The following SYNE1 variants were observed in gnomAD, a reference collection of about 807,000 sequenced individuals.
The protein encoded by SYNE1 is nesprin-1.
SYNE1 carries 616 observed loss-of-function variants against 1,111.0 expected under a neutral mutation model. The observed-to-expected ratio is 0.55, with a 90% CI of 0.52 to 0.59. The LOEUF (loss-of-function observed/expected upper bound fraction) is 0.59, where lower values mean the gene tolerates loss of function less well. SYNE1 is among the 20% of genes least tolerant of loss of function. The probability of loss-of-function intolerance (pLI) is 0.00; values close to 1 mark genes in which losing one functional copy is unlikely to be tolerated. For synonymous variants in SYNE1, 3,855 were observed against 3,825.8 expected, an observed-to-expected ratio of 1.01 and a Z score of -0.28; for missense variants, 10,006 against 10,417.0, an observed-to-expected ratio of 0.96 and a Z score of 1.72.
At chr6:152,187,442 A>G (rs1305269909) in intron 128 of SYNE1, among the ~76,000 whole-genome samples, 1 of 152,122 alleles carries the variant, frequency 6.6e-6, no homozygotes, top group Admixed American at 6.6e-5. Flanking sequence ...GAGACAAAAG[A>G]GATCCCAGGG....
intron 87 of SYNE1, 101 bp from the exon 88 acceptor site, chr6:152,310,974 TC>T: frequency 8.1e-7 from 1 of 1,234,220 alleles, no homozygotes; most frequent in Admixed American, 2.0e-5. Context: ...GTTCTGTGTG[TC>T]CGTTATTGTG....
At chr6:152,573,420 G>C (rs1195029486) in intron 3 of SYNE1, among the ~76,000 whole-genome samples, 2 of 145,926 alleles carry the variant, frequency 1.4e-5, no homozygotes, top group Non-Finnish European at 3.0e-5. Flanking sequence ...CTATGAGTGA[G>C]AACATGCGGT....
At chr6:152,569,778 G>C (rs753231150) in intron 3 of SYNE1, among the ~76,000 whole-genome samples, 107 of 152,128 alleles carry the variant, frequency 7.0e-4, no homozygotes, top group Non-Finnish European at 1.1e-3. Flanking sequence ...GTGAATTCTT[G>C]CACTCTGCCT....
intron 5 of SYNE1, 45 bp from the exon 6 acceptor site, chr6:152,520,587 A>G (rs753919749): frequency 9.6e-5 from 152 of 1,589,362 alleles, no homozygotes; most frequent in Middle Eastern, 6.7e-4. Flanking sequence ...AAATCTGCAT[A>G]TTAAAATGTT....
At chr6:152,507,835 T>C (rs1014704216) in intron 8 of SYNE1, among the ~76,000 whole-genome samples, 1 of 152,200 alleles carries the variant, frequency 6.6e-6, no homozygotes, top group Non-Finnish European at 1.5e-5. Flanking sequence ...GTATTGATAG[T>C]GGATGAAATT....
intron 6 of SYNE1, among the ~76,000 whole-genome samples, chr6:152,515,340 T>G (rs2099106303): frequency 6.6e-6 from 1 of 152,212 alleles, no homozygotes; most frequent in South Asian, 2.1e-4. Flanking sequence ...ATTTGAAAAC[T>G]TAATGAATAA....
intron 63 of SYNE1, 74 bp from the exon 64 acceptor site, chr6:152,362,397 C>T: frequency 1.3e-5 from 21 of 1,593,168 alleles, no homozygotes; most frequent in Non-Finnish European, 1.7e-5. Flanking sequence ...TGTGTCTGCT[C>T]CATCCACTCC....
chr6:152,316,864 T>C lies in SYNE1; in HGVS notation c.16695A>G (p.Gln5565=), dbSNP rs1254958181. 2.5e-6 allele frequency: 4 copies of C among 1,614,174 alleles called. No individual in the cohort carries two copies. The highest frequency in any genetic ancestry group is 3.4e-6 in the Non-Finnish European group (4 of 1,180,024). Reference sequence around the variant, plus strand: ...CTAAGGTTACCTGATGCAAAATATATTGTTCCCGAAGCTGGCTTGCAGAAT... The same window carrying C: ...CTAAGGTTACCTGATGCAAAATATACTGTTCCCGAAGCTGGCTTGCAGAAT... The part of the protein sequence containing the change: ...AWNSASQLRE[Q]YILHQTLLEE... The change falls in exon 87 of 146, where the codon CAA becomes CAG. Residue 5565 remains glutamine (Q), a synonymous_variant. Transcript: ENST00000367255.
chr6:152,362,037 T>G, intron 64 of SYNE1, 133 bp downstream of exon 64: 1 of 1,232,338 alleles, frequency 8.1e-7, no homozygotes, highest in Non-Finnish European at 1.2e-6. Context: ...CCTTTAGAGA[T>G]TATACTAAAA....
chr6:152,247,087 A>G (rs1283800485), intron 105 of SYNE1, among the ~76,000 whole-genome samples: 1 of 152,224 alleles, frequency 6.6e-6, no homozygotes, highest in Non-Finnish European at 1.5e-5. Context: ...AAGATCCAAC[A>G]TAGGAAGAAA....
intron 3 of SYNE1, among the ~76,000 whole-genome samples, chr6:152,596,015 A>G (rs529902773): frequency 6.7e-6 from 1 of 149,138 alleles, no homozygotes; most frequent in Admixed American, 6.9e-5. Flanking sequence ...TGAGGGCTCG[A>G]ACCAAGGGGT....
In SYNE1 at chr6:152,331,394, G is replaced by A; in HGVS notation, c.13291C>T (p.Gln4431Ter). The change falls in exon 78 of 146, where the codon CAA (glutamine) becomes TAA (stop). Residue 4431 changes from glutamine to a stop codon, truncating the protein, a stop_gained. Transcript: ENST00000367255. LOFTEE classifies it high-confidence loss of function. ...QVIQKALSDA[Q>*]SHVNCLSDLV... The stretch of plus-strand genomic sequence containing the variant: ...TCACTGAGACAATTCACGTGGCTTT[G>A]TGCATCAGAGAGAGCCTTCTGGATG... 6.2e-7 allele frequency: 1 copy of A among 1,614,156 alleles called. No homozygotes were observed.
chr6:152,398,602 G>T lies in SYNE1; in HGVS notation c.7350+17C>A. 6.2e-7 allele frequency: 1 copy of T among 1,604,420 alleles called. No homozygotes were observed. The highest frequency in any genetic ancestry group is 1.1e-5 in the South Asian group (1 of 90,878). On this transcript the variant is annotated intron_variant, in intron 49 of 145. Transcript: ENST00000367255. ...GTACATTTTGGGGAAGAAGGAAAAG[G>T]ATGTCAGCTTCTATACCTGAAGATC...
At chr6:152,427,877 C>G in intron 37 of SYNE1, 61 bp from the exon 38 acceptor site, 1 of 1,610,894 alleles carries the variant, frequency 6.2e-7, no homozygotes, top group South Asian at 1.1e-5. Context: ...CAGATTAAAC[C>G]TTTGTGAAGT....
intron 3 of SYNE1, among the ~76,000 whole-genome samples, chr6:152,561,722 G>T (rs2099395925): frequency 6.6e-6 from 1 of 151,944 alleles, no homozygotes. Context: ...AACAATACAT[G>T]GATTGGAACA....
At chr6:152,481,629 T>C (rs2098900395) in intron 14 of SYNE1, 1 of 440,032 alleles carries the variant, frequency 2.3e-6, no homozygotes, top group Admixed American at 2.6e-5. Context: ...GAAAAAATTA[T>C]TGTGTGTTAT....
At position 152,144,163 on chromosome 6, in the gene SYNE1, A is replaced by C. The variant is rs774869184; in HGVS notation, c.24977-398T>G. 9.7e-6 allele frequency: 3 copies of C among 309,054 alleles called. No homozygotes were observed. In the East Asian group the frequency reaches 2.5e-4, roughly 26 times the overall value. 19.1% of individuals were successfully genotyped at this position (309,054 alleles called of 1,614,324 possible). A position where few individuals can be genotyped will look rare whatever the true frequency, so the allele number is the denominator to read the frequency against. ...TTCTTTTTCTCATGTTCTTTCTGCT[A>C]TCGCTTAGTGAGCAGGGGAAGATCC... On this transcript the variant is annotated intron_variant, in intron 137 of 145. Transcript: ENST00000367255.
In SYNE1 at chr6:152,540,772, G is replaced by T. The variant is rs559057902; in HGVS notation, c.68-751C>A. Among the ~76,000 whole-genome samples the T allele has an allele frequency of 2.6e-5, 4 of 152,332 alleles. No homozygotes were observed. In the East Asian group the frequency reaches 7.7e-4, roughly 29 times the overall value. On this transcript the variant is annotated intron_variant, in intron 3 of 145. Transcript: ENST00000367255. ...AGGCTGTGAAGTTCCTTTGCAGAGG[G>T]TCAATGGCAAGGAACTAGAGGCTCC...
At chr6:152,601,158 G>A (rs2099595153) in intron 3 of SYNE1, among the ~76,000 whole-genome samples, 2 of 152,280 alleles carry the variant, frequency 1.3e-5, no homozygotes, top group South Asian at 4.1e-4. Flanking sequence ...AAGCTAGGGA[G>A]CAGCCATTCA....
Sources: gnomAD v4.1 joint callset for allele counts (sites outside exome capture counted in the v4.1 genomes callset) on GRCh38, gnomAD v4.1.1 for gene constraint, MANE v1.5 for transcripts, NCBI Gene and HGNC (gene_info 2026-07-23, HGNC 2026-07-21) for gene names.